OPCML: variants seen among roughly 807,000 people sequenced by gnomAD.
The protein encoded by OPCML is opioid binding protein/cell adhesion molecule like, also known as opioid-binding protein/cell adhesion molecule.
OPCML carries 13 observed loss-of-function variants against 37.8 expected under a neutral mutation model. That is an observed-to-expected ratio of 0.34 (90% confidence interval 0.22 to 0.55). The LOEUF (loss-of-function observed/expected upper bound fraction) is 0.55, where lower values mean the gene tolerates loss of function less well. OPCML is among the 20% of genes least tolerant of loss of function. The pLI is 0.91. For synonymous variants in OPCML, 176 were observed against 168.8 expected, an observed-to-expected ratio of 1.04 and a Z score of -0.33; for missense variants, 341 against 435.6, an observed-to-expected ratio of 0.78 and a Z score of 1.93.
intron 1 of OPCML, among the ~76,000 whole-genome samples, chr11:133,470,513 G>A (rs921175594): frequency 6.6e-6 from 1 of 152,176 alleles, no homozygotes; most frequent in Non-Finnish European, 1.5e-5. Flanking sequence ...CAAATGTCAC[G>A]AGGAAGGAGG....
chr11:132,554,696 C>T (rs1054866603), intron 3 of OPCML, among the ~76,000 whole-genome samples: 3 of 152,120 alleles, frequency 2.0e-5, no homozygotes, highest in Admixed American at 2.0e-4. Context: ...ATTCACTAGG[C>T]TTTCCAATGT....
At chr11:133,266,433 G>A (rs1018043708) in intron 1 of OPCML, among the ~76,000 whole-genome samples, 1 of 151,950 alleles carries the variant, frequency 6.6e-6, no homozygotes, top group African/African-American at 2.4e-5. Context: ...ATCTCCCCCT[G>A]GTCTCTAAGT....
At chr11:133,287,942 C>G (rs1252949378) in intron 1 of OPCML, among the ~76,000 whole-genome samples, 27 of 152,182 alleles carry the variant, frequency 1.8e-4, no homozygotes, top group Admixed American at 1.8e-3. Context: ...CCACGGCAGT[C>G]TTCTTGAAGA....
chr11:133,470,755 A>C (rs1434111966), intron 1 of OPCML, among the ~76,000 whole-genome samples: 1 of 152,234 alleles, frequency 6.6e-6, no homozygotes, highest in African/African-American at 2.4e-5. Flanking sequence ...GAAAAGAGCA[A>C]CTAACCATTG....
intron 1 of OPCML, among the ~76,000 whole-genome samples, chr11:133,484,010 T>C (rs1406986536): frequency 2.0e-5 from 3 of 149,950 alleles, no homozygotes; most frequent in African/African-American, 7.4e-5. Flanking sequence ...GATAGATAGA[T>C]AGACAAATAG....
At chr11:132,994,937 A>G (rs1008256849) in intron 1 of OPCML, among the ~76,000 whole-genome samples, 4 of 152,224 alleles carry the variant, frequency 2.6e-5, no homozygotes, top group African/African-American at 7.2e-5. Context: ...TGTCATACCC[A>G]TGTGTCAGCT....
chr11:132,428,888 C>T (rs893306810), intron 7 of OPCML, among the ~76,000 whole-genome samples: 2 of 152,226 alleles, frequency 1.3e-5, no homozygotes, highest in African/African-American at 2.4e-5. Flanking sequence ...TCAAGCATGG[C>T]ACTTCCTATA....
At chr11:133,467,019 T>A (rs542104766) in intron 1 of OPCML, among the ~76,000 whole-genome samples, 1 of 152,318 alleles carries the variant, frequency 6.6e-6, no homozygotes, top group Non-Finnish European at 1.5e-5. Context: ...CCCAAAAAAG[T>A]TCATTTAAGA....
intron 3 of OPCML, among the ~76,000 whole-genome samples, chr11:132,586,127 A>G (rs970529885): frequency 6.6e-6 from 1 of 152,086 alleles, no homozygotes; most frequent in Non-Finnish European, 1.5e-5. Context: ...GTACAATAGG[A>G]TGGGCACTGC....
At chr11:132,670,536 T>C (rs1942427906) in intron 2 of OPCML, among the ~76,000 whole-genome samples, 1 of 152,106 alleles carries the variant, frequency 6.6e-6, no homozygotes, top group Admixed American at 6.5e-5. Flanking sequence ...TTGATTTGCT[T>C]TTATTCTGTC....
At chr11:132,878,615 A>G (rs1565931315) in intron 2 of OPCML, among the ~76,000 whole-genome samples, 1 of 152,162 alleles carries the variant, frequency 6.6e-6, no homozygotes, top group Non-Finnish European at 1.5e-5. Flanking sequence ...TCTCTCTTGT[A>G]CATGTGTATG....
intron 4 of OPCML, among the ~76,000 whole-genome samples, chr11:132,510,419 G>A (rs947970477): frequency 3.3e-5 from 5 of 152,040 alleles, no homozygotes; most frequent in South Asian, 2.1e-4. Context: ...AGATTTGGAG[G>A]GGCCAGGGGC....
At chr11:132,655,811 C>A (rs1161003366) in intron 3 of OPCML, among the ~76,000 whole-genome samples, 1 of 151,836 alleles carries the variant, frequency 6.6e-6, no homozygotes, top group Non-Finnish European at 1.5e-5. Flanking sequence ...ATAGACAGCC[C>A]CCACGCAACC....
chr11:132,658,944 A>G (rs1941830980), intron 2 of OPCML, among the ~76,000 whole-genome samples: 2 of 151,356 alleles, frequency 1.3e-5, no homozygotes, highest in Non-Finnish European at 2.9e-5. Context: ...CAATGAAACT[A>G]TTTTTTTTTA....
intron 1 of OPCML, among the ~76,000 whole-genome samples, chr11:133,236,266 G>A (rs1940511915): frequency 1.3e-5 from 2 of 152,198 alleles, no homozygotes; most frequent in Admixed American, 6.5e-5. Flanking sequence ...ACAGTGTGGA[G>A]ATGCTGGACA....
At chr11:133,374,821 T>G (rs955000950) in intron 1 of OPCML, among the ~76,000 whole-genome samples, 4 of 152,114 alleles carry the variant, frequency 2.6e-5, no homozygotes, top group African/African-American at 9.7e-5. Context: ...TCAGTTCCCC[T>G]CCCTGAGCTC....
At chr11:133,497,543 T>G (rs1454408673) in intron 1 of OPCML, among the ~76,000 whole-genome samples, 1 of 152,058 alleles carries the variant, frequency 6.6e-6, no homozygotes, top group Non-Finnish European at 1.5e-5. Flanking sequence ...TACGATGCTT[T>G]CTGGACAGGT....
chr11:132,664,504 T>C (rs1942138093), intron 2 of OPCML, among the ~76,000 whole-genome samples: 1 of 152,226 alleles, frequency 6.6e-6, no homozygotes, highest in South Asian at 2.1e-4. Flanking sequence ...TTAATTGAAT[T>C]TTTGCTAAGA....
At chr11:132,782,919 A>ATATATATATATATATATATATATG (rs1947082735) in intron 2 of OPCML, among the ~76,000 whole-genome samples, 1 of 89,728 alleles carries the variant, frequency 1.1e-5, no homozygotes, top group African/African-American at 6.2e-5. Context: ...TAGTGTGTGT[A>ATATATATATATATATATATATATG]TATATATATA....
Sources: gnomAD v4.1 joint callset for allele counts (sites outside exome capture counted in the v4.1 genomes callset) on GRCh38, gnomAD v4.1.1 for gene constraint, MANE v1.5 for transcripts, NCBI Gene and HGNC (gene_info 2026-07-23, HGNC 2026-07-21) for gene names.